KIF3A: variants seen among roughly 807,000 people sequenced by gnomAD.
KIF3A encodes kinesin-like protein KIF3A.
A neutral mutation model predicts 92.6 loss-of-function variants in KIF3A; 27 were observed. That is an observed-to-expected ratio of 0.29 (90% CI 0.21 to 0.40). The LOEUF (loss-of-function observed/expected upper bound fraction) is 0.40. KIF3A is among the 10% of genes least tolerant of loss of function. The pLI is 1.00. For synonymous variants in KIF3A, 250 were observed against 275.4 expected, an observed-to-expected ratio of 0.91 and a Z score of 0.92; for missense variants, 581 against 872.6, an observed-to-expected ratio of 0.67 and a Z score of 4.21.
At chr5:132,724,563 T>A (rs1753937303) in intron 4 of KIF3A, among the ~76,000 whole-genome samples, 3 of 151,712 alleles carry the variant, frequency 2.0e-5, no homozygotes, top group Admixed American at 2.0e-4. Context: ...AAACACCACA[T>A]GTTCTCACTT....
intron 4 of KIF3A, chr5:132,721,422 C>G (rs1753818543): frequency 6.6e-6 from 1 of 152,188 alleles, no homozygotes; most frequent in Admixed American, 6.5e-5. Flanking sequence ...TCAGAGTCAT[C>G]TCTACAAACC....
At chr5:132,722,790 G>C (rs925433961) in intron 4 of KIF3A, among the ~76,000 whole-genome samples, 4 of 152,126 alleles carry the variant, frequency 2.6e-5, no homozygotes, top group African/African-American at 9.7e-5. Flanking sequence ...CATGTCATTG[G>C]CAATAACACC....
intron 4 of KIF3A, among the ~76,000 whole-genome samples, chr5:132,724,836 TATATATATATATATATATATTAAA>T (rs1561709082): frequency 2.5e-4 from 6 of 23,748 alleles, no homozygotes; most frequent in South Asian, 1.4e-3. Context: ...TATATATATA[TATATATATATATATATATATTAAA>T]AAATCATTCT....
intron 10 of KIF3A, 62 bp from the exon 11 acceptor site, chr5:132,706,521 G>GA: frequency 7.7e-6 from 10 of 1,297,072 alleles, no homozygotes; most frequent in Admixed American, 2.7e-5. Flanking sequence ...AGATGAGGAG[G>GA]AAAAAAAGGA....
At chr5:132,700,171 A>T in intron 17 of KIF3A, 45 bp downstream of exon 17, 1 of 1,024,118 alleles carries the variant, frequency 9.8e-7, no homozygotes, top group Non-Finnish European at 1.5e-6. Flanking sequence ...TAAAGAAACA[A>T]CAGTAGTTTT....
At chr5:132,730,481 A>G (rs1754190853) in intron 2 of KIF3A, among the ~76,000 whole-genome samples, 2 of 147,812 alleles carry the variant, frequency 1.4e-5, no homozygotes, top group Middle Eastern at 3.7e-3. Context: ...AAAGAAAAAA[A>G]AAAAAAGAAA....
chr5:132,688,874 AGAAATAAAGCCTTT>A (rs1752602541), downstream of KIF3A, among the ~76,000 whole-genome samples: 1 of 152,228 alleles, frequency 6.6e-6, no homozygotes, highest in Non-Finnish European at 1.5e-5. Context: ...GCACAACTGG[AGAAATAAAGCCTTT>A]GATTAAAAAC....
At chr5:132,688,943 G>T (rs965417971), downstream of KIF3A, among the ~76,000 whole-genome samples, 3 of 152,296 alleles carry the variant, frequency 2.0e-5, no homozygotes, top group South Asian at 4.1e-4. Context: ...GAGGGGAGCA[G>T]GTGGAGAGGA....
In KIF3A at chr5:132,726,423, A is replaced by T. The variant is rs370280313; in HGVS notation, c.356T>A (p.Leu119His). 6.2e-7 allele frequency: 1 copy of T among 1,613,102 alleles called. No homozygotes were observed. The highest frequency in any genetic ancestry group is 8.5e-7 in the Non-Finnish European group (1 of 1,179,086). Residue 119 changes from leucine (L) to histidine (H), a missense_variant, in exon 3 of 19, where the codon CTT (leucine) becomes CAT (histidine). Physicochemically the swap from Leu to His is moderately conservative, Grantham distance 99 (BLOSUM62 -3). Coordinates refer to ENST00000403231, the MANE Select transcript of KIF3A (RefSeq NM_001300791.2). ...TMEGVRAIPE[L>H]RGIIPNSFAH... Reference sequence around the variant, plus strand: ...AAATGAATTGGGAATTATTCCTCTAAGTTCAGGAATAGCTCGAACACCTTC... The same window carrying T: ...AAATGAATTGGGAATTATTCCTCTATGTTCAGGAATAGCTCGAACACCTTC...
chr5:132,721,446 G>A (rs1433750515), intron 4 of KIF3A: 1 of 152,164 alleles, frequency 6.6e-6, no homozygotes, highest in East Asian at 1.9e-4. Context: ...AGAATAAAAA[G>A]TGAAACTGAG....
At chr5:132,722,866 T>C (rs561447198) in intron 4 of KIF3A, among the ~76,000 whole-genome samples, 13 of 152,236 alleles carry the variant, frequency 8.5e-5, no homozygotes, top group Non-Finnish European at 1.6e-4. Context: ...TGTTACAATT[T>C]TGATGATTCT....
At chr5:132,736,091 T>G (rs915405842) in intron 1 of KIF3A, among the ~76,000 whole-genome samples, 4 of 152,234 alleles carry the variant, frequency 2.6e-5, no homozygotes, top group Non-Finnish European at 4.4e-5. Context: ...TCTTATAGGC[T>G]CAGAGAGCAC....
intron 4 of KIF3A, chr5:132,721,362 T>A (rs1302980676): frequency 1.3e-5 from 2 of 152,172 alleles, no homozygotes; most frequent in African/African-American, 4.8e-5. Flanking sequence ...TAGGATGGAT[T>A]TACCTAAAAT....
At chr5:132,726,256 T>A in intron 3 of KIF3A, 44 bp from the exon 4 acceptor site, 1 of 1,581,168 alleles carries the variant, frequency 6.3e-7, no homozygotes, top group Admixed American at 1.7e-5. Flanking sequence ...GAAATATTCA[T>A]AAGAACGGTT....
chr5:132,731,100 C>T (rs1211801354), intron 2 of KIF3A, among the ~76,000 whole-genome samples: 1 of 152,154 alleles, frequency 6.6e-6, no homozygotes, highest in Non-Finnish European at 1.5e-5. Flanking sequence ...TTCTACCAAA[C>T]ATTTAAGAAA....
intron 11 of KIF3A, 148 bp downstream of exon 11, chr5:132,706,302 TA>T: frequency 2.0e-6 from 1 of 490,436 alleles, no homozygotes; most frequent in Non-Finnish European, 3.4e-6. Context: ...TTTTAAAAGC[TA>T]AAGTTGAAAG....
At chr5:132,724,690 G>A (rs1332914319) in intron 4 of KIF3A, among the ~76,000 whole-genome samples, 1 of 150,374 alleles carries the variant, frequency 6.7e-6, no homozygotes. Context: ...TATACCTAAT[G>A]TAAATGACGA....
intron 2 of KIF3A, among the ~76,000 whole-genome samples, chr5:132,733,123 GA>G (rs1754288245): frequency 1.3e-5 from 2 of 152,144 alleles, no homozygotes; most frequent in Non-Finnish European, 2.9e-5. Flanking sequence ...GGTGGTAATG[GA>G]TTGGGAGTGA....
chr5:132,734,559 G>A (rs1754332259), intron 1 of KIF3A, 81 bp from the exon 2 acceptor site: 1 of 1,316,556 alleles, frequency 7.6e-7, no homozygotes, highest in Non-Finnish European at 1.0e-6. Context: ...ACTTTAAAAG[G>A]CTACTTTTCC....
Sources: gnomAD v4.1 joint callset for allele counts (sites outside exome capture counted in the v4.1 genomes callset) on GRCh38, gnomAD v4.1.1 for gene constraint, MANE v1.5 for transcripts, NCBI Gene and HGNC (gene_info 2026-07-23, HGNC 2026-07-21) for gene names.